Variants in METTL22 observed in about 807,000 individuals in gnomAD.
METTL22 encodes methyltransferase 22, Kin17 lysine.
A neutral mutation model predicts 48.4 loss-of-function variants in METTL22; 51 were observed. The observed-to-expected ratio is 1.05, with a 90% CI of 0.84 to 1.33. The LOEUF (loss-of-function observed/expected upper bound fraction) is 1.33, where lower values mean the gene tolerates loss of function less well. Among genes scored for constraint, METTL22 ranks in the 40% most tolerant of loss-of-function variants. METTL22 has a pLI of 0.00. For synonymous variants in METTL22, 255 were observed against 214.1 expected (o/e 1.19, Z -1.67); for missense variants, 678 against 526.9 (o/e 1.29, Z -2.81).
chr16:8,651,889 C>T (rs1309580523), downstream of METTL22, among the ~76,000 whole-genome samples: 1 of 152,062 alleles, frequency 6.6e-6, no homozygotes, highest in Non-Finnish European at 1.5e-5. Flanking sequence ...GGAGGGAGAG[C>T]GTTAGGACAA....
chr16:8,625,728 G>C lies in METTL22; in HGVS notation c.63G>C (p.Leu21=). The stretch of plus-strand genomic sequence containing the variant: ...TCACCTTTAGGAGCGACACTGTGCT[G>C]TCAGATGTCCACCTCTATACCCCGA... ...DEVTFRSDTV[L]SDVHLYTPNH... is the part of the protein sequence containing the mutation. The change falls in exon 2 of 11, where the codon CTG becomes CTC. Residue 21 remains leucine (L), a synonymous_variant. Coordinates refer to ENST00000381920, the MANE Select transcript of METTL22 (RefSeq NM_024109.4). 3.7e-6 allele frequency: 6 copies of C among 1,614,218 alleles called. No homozygotes were observed. The highest frequency in any genetic ancestry group is 5.1e-6 in the Non-Finnish European group (6 of 1,180,032).
intron 7 of METTL22, chr16:8,641,455 G>GACTGCCCATGGGC (rs1567242267): frequency 1.7e-6 from 1 of 577,350 alleles, no homozygotes; most frequent in East Asian, 3.9e-5. Flanking sequence ...TGTGAGTGCA[G>GACTGCCCATGGGC]ACTGCCCATG....
intron 5 of METTL22, 128 bp from the exon 6 acceptor site, chr16:8,638,963 C>A (rs1479701861): frequency 1.1e-6 from 1 of 870,792 alleles, no homozygotes; most frequent in Middle Eastern, 2.2e-4. Context: ...GGCAGTAAGA[C>A]ACATAGGAGA....
At chr16:8,650,908 C>T (rs1453722657), downstream of METTL22, among the ~76,000 whole-genome samples, 5 of 152,206 alleles carry the variant, frequency 3.3e-5, no homozygotes, top group East Asian at 1.9e-4. Flanking sequence ...CCTGTAATTC[C>T]AGCTACTCTG....
chr16:8,638,540 A>G (rs2056493301), intron 5 of METTL22, among the ~76,000 whole-genome samples: 1 of 152,142 alleles, frequency 6.6e-6, no homozygotes, highest in Non-Finnish European at 1.5e-5. Context: ...ATCGCGCTCA[A>G]GAGAGTGGGC....
the METTL22 span, among the ~76,000 whole-genome samples, chr16:8,665,868 A>T: frequency 6.6e-6 from 1 of 152,198 alleles, no homozygotes; most frequent in Non-Finnish European, 1.5e-5. Flanking sequence ...AGTATAAGTG[A>T]GTAAATGGAT....
At chr16:8,663,961 C>G in the METTL22 span, among the ~76,000 whole-genome samples, 2 of 152,168 alleles carry the variant, frequency 1.3e-5, no homozygotes, top group Non-Finnish European at 2.9e-5. Context: ...CTCCCTGTCT[C>G]CCACCCCCGA....
chr16:8,639,485 CTTTCTCAGA>C (rs907219725), intron 6 of METTL22: 18 of 364,838 alleles, frequency 4.9e-5, no homozygotes, highest in African/African-American at 3.6e-4. Flanking sequence ...CCAGAGTGCC[CTTTCTCAGA>C]TGCAAGCCAG....
intron 9 of METTL22, among the ~76,000 whole-genome samples, chr16:8,643,912 C>A (rs1164729110): frequency 6.6e-6 from 1 of 152,190 alleles, no homozygotes; most frequent in Non-Finnish European, 1.5e-5. Context: ...CCACGCCCAG[C>A]ATAGACTGTT....
At chr16:8,626,375 C>T (rs577690182) in intron 2 of METTL22, among the ~76,000 whole-genome samples, 6 of 152,062 alleles carry the variant, frequency 3.9e-5, no homozygotes, top group South Asian at 2.1e-4. Context: ...ACGAATGAGC[C>T]AAACTTTGCC....
chr16:8,644,760 CT>C (rs1326515757), intron 10 of METTL22, 35 bp downstream of exon 10: 1 of 1,518,268 alleles, frequency 6.6e-7, no homozygotes, highest in South Asian at 1.3e-5. Context: ...CCGTTGGTTG[CT>C]TTACTGTGAA....
chr16:8,642,576 C>T lies in METTL22; in HGVS notation c.1010+11C>T, dbSNP rs545510299. The T allele has an allele frequency of 2.6e-5, 42 of 1,612,540 alleles. No individual in the cohort carries two copies. The highest frequency in any genetic ancestry group is 3.5e-5 in the Non-Finnish European group (41 of 1,178,682). On this transcript the variant is annotated intron_variant, in intron 9 of 10. Transcript: ENST00000381920. ...GTCGGTGGAGAAGAGGTGAGCTTTGCGCCACGGGAACCGTGCTGACGTCCC... is the reference window on the plus strand; with the variant it reads ...GTCGGTGGAGAAGAGGTGAGCTTTGTGCCACGGGAACCGTGCTGACGTCCC...
chr16:8,641,567 G>A lies in METTL22; in HGVS notation c.826+383G>A, dbSNP rs1280556845. On this transcript the variant is annotated intron_variant, in intron 7 of 10. Transcript: ENST00000381920. Reference sequence around the variant, plus strand: ...AAACAGTGGTGCCAGGAAACCCCCCGGGTAGGACAGTTTCCATATTTCTTA... The same window carrying A: ...AAACAGTGGTGCCAGGAAACCCCCCAGGTAGGACAGTTTCCATATTTCTTA... The A allele has an allele frequency of 1.2e-4, 60 of 480,382 alleles. 1 individual carries two copies. The Admixed American group carries it at 1.3e-3, about 11-fold the overall frequency. The allele number at this position is 480,382 out of a possible 1,614,324, so 29.8% of individuals were successfully genotyped here. A position where few individuals can be genotyped will look rare whatever the true frequency, so the allele number is the denominator to read the frequency against.
chr16:8,632,922 G>C (rs1158119079), intron 3 of METTL22, among the ~76,000 whole-genome samples: 1 of 152,148 alleles, frequency 6.6e-6, no homozygotes, highest in East Asian at 1.9e-4. Context: ...GGAAGGAAGT[G>C]ACCAATCACA....
chr16:8,641,915 C>T (rs1376672662), intron 7 of METTL22: 2 of 609,442 alleles, frequency 3.3e-6, no homozygotes, highest in East Asian at 5.5e-5. Context: ...AGAGCAGACA[C>T]TCAGCAGAAA....
chr16:8,622,533 C>G (rs1438517702), intron 1 of METTL22, among the ~76,000 whole-genome samples: 1 of 152,184 alleles, frequency 6.6e-6, no homozygotes, highest in African/African-American at 2.4e-5. Flanking sequence ...AAGAGAGGAG[C>G]CCGAAGCCCA....
chr16:8,641,694 A>G (rs2056623593), intron 7 of METTL22: 2 of 387,090 alleles, frequency 5.2e-6, no homozygotes, highest in Admixed American at 3.7e-5. Flanking sequence ...TTCCTTGAGT[A>G]CTGGTCACCT....
At position 8,642,134 on chromosome 16, in the gene METTL22, G is replaced by T; in HGVS notation, c.834G>T (p.Lys278Asn). 1 of 1,612,692 alleles carries T rather than the reference G, an allele frequency of 6.2e-7. No individual in the cohort carries two copies. Among genetic ancestry groups the T allele is most frequent in the Admixed American group, 1.7e-5 (1 of 60,026 alleles). The change falls in exon 8 of 11, where the codon AAG (lysine) becomes AAT (asparagine). Residue 278 changes from lysine (K) to asparagine (N), a missense_variant. By Grantham distance (94) the Lys-to-Asn change is moderately conservative. Transcript: ENST00000381920. ...WLKDDLCTDP[K>N]VPFSWSQEEI... Reference sequence around the variant, plus strand: ...GCTTTTGTTCTTTCTTAGATCCCAAGGTCCCCTTCAGTTGGTCACAAGAGG... The same window carrying T: ...GCTTTTGTTCTTTCTTAGATCCCAATGTCCCCTTCAGTTGGTCACAAGAGG...
At position 8,639,884 on chromosome 16, in the gene METTL22, G is replaced by A. The variant is rs192078640; in HGVS notation, c.772+722G>A. ...GATCTGGCCCCTGTCTGTCTGCAGC[G>A]CCCCCCACCACCAACAGCCGACCTC... On this transcript the variant is annotated intron_variant, in intron 6 of 10. Coordinates refer to ENST00000381920, the MANE Select transcript of METTL22 (RefSeq NM_024109.4). Among the ~76,000 whole-genome samples the A allele has an allele frequency of 1.6e-4, 24 of 151,182 alleles. No homozygotes were observed. In the East Asian group the frequency reaches 4.3e-3, roughly 27 times the overall value.
Sources: allele counts gnomAD v4.1 joint callset (sites outside exome capture counted in the v4.1 genomes callset), GRCh38; gene constraint gnomAD v4.1.1; transcripts MANE v1.5; gene names NCBI Gene and HGNC (gene_info 2026-07-23, HGNC 2026-07-21).